Variants in TXNRD2 observed in about 807,000 individuals in gnomAD.
TXNRD2 encodes the protein thioredoxin reductase 2.
In TXNRD2, 67 loss-of-function variants were observed where a neutral mutation model predicts 70.8. That is an observed-to-expected ratio of 0.95 (90% CI 0.78 to 1.16). The LOEUF is 1.16. Among genes scored for constraint, TXNRD2 ranks in the 50% most tolerant of loss-of-function variants. The pLI is 0.00. For missense variants in TXNRD2, 644 were observed against 719.9 expected, an observed-to-expected ratio of 0.89 and a Z score of 1.21; for synonymous variants, 301 against 295.8, an observed-to-expected ratio of 1.02 and a Z score of -0.18.
chr22:19,878,318 G>T, intron 15 of TXNRD2, 48 bp downstream of exon 15: 1 of 1,606,744 alleles, frequency 6.2e-7, no homozygotes, highest in South Asian at 1.1e-5. Context: ...CAGGCTCTTT[G>T]CCACCCTCCC....
intron 12 of TXNRD2, chr22:19,881,400 G>C (rs905741708): frequency 1.1e-4 from 27 of 250,158 alleles, no homozygotes; most frequent in African/African-American, 8.1e-4. Context: ...GAAACATCCC[G>C]GCGGGCGGCG....
At chr22:19,934,354 C>G (rs1941466570) in intron 1 of TXNRD2, among the ~76,000 whole-genome samples, 1 of 134,298 alleles carries the variant, frequency 7.4e-6, no homozygotes, top group Admixed American at 8.4e-5. Context: ...GCACTCCAGC[C>G]TGGTTAACAG....
At chr22:19,925,144 C>CA (rs1452360606) in intron 2 of TXNRD2, among the ~76,000 whole-genome samples, 4 of 151,752 alleles carry the variant, frequency 2.6e-5, no homozygotes, top group Admixed American at 2.0e-4. Context: ...ATTAGACGGG[C>CA]ATGGTGGCAT....
intron 2 of TXNRD2, among the ~76,000 whole-genome samples, chr22:19,925,027 G>A (rs1351925304): frequency 2.6e-5 from 4 of 151,182 alleles, no homozygotes; most frequent in Admixed American, 6.6e-5. Flanking sequence ...GCTCACGCCT[G>A]TAATCCCAGC....
At chr22:19,937,698 A>G (rs1294488592) in intron 1 of TXNRD2, among the ~76,000 whole-genome samples, 1 of 152,204 alleles carries the variant, frequency 6.6e-6, no homozygotes, top group Non-Finnish European at 1.5e-5. Flanking sequence ...TCATACCCAA[A>G]AAAACTACAC....
chr22:19,909,540 CACAT>C (rs1940227116), intron 8 of TXNRD2, among the ~76,000 whole-genome samples: 1 of 115,048 alleles, frequency 8.7e-6, no homozygotes, highest in Admixed American at 9.5e-5. Context: ...ACCACACACA[CACAT>C]AACCACTCAC....
chr22:19,890,999 G>A (rs2145957984), intron 11 of TXNRD2, among the ~76,000 whole-genome samples: 1 of 152,342 alleles, frequency 6.6e-6, no homozygotes, highest in Middle Eastern at 3.4e-3. Flanking sequence ...ACGTGGGGGA[G>A]ACTATACAGG....
intron 8 of TXNRD2, among the ~76,000 whole-genome samples, chr22:19,909,853 C>T (rs1940297036): frequency 9.6e-6 from 1 of 103,878 alleles, no homozygotes; most frequent in African/African-American, 4.4e-5. Context: ...ACCCTTCACA[C>T]ACACACCACA....
At chr22:19,882,778 C>T (rs1938839268) in intron 12 of TXNRD2, among the ~76,000 whole-genome samples, 1 of 152,206 alleles carries the variant, frequency 6.6e-6, no homozygotes, top group Non-Finnish European at 1.5e-5. Flanking sequence ...GTAAGGAGGG[C>T]TCCAGAGCCC....
intron 8 of TXNRD2, among the ~76,000 whole-genome samples, chr22:19,909,138 A>G (rs58299207): frequency 0.035 from 5,215 of 151,144 alleles, 132 homozygotes; most frequent in South Asian, 0.087. Flanking sequence ...CCCGGGAGGC[A>G]GAGGTTGCAG....
Position 19,899,050 on chromosome 22 carries a change from G to T in TXNRD2, c.681C>A (p.Ser227Arg). The stretch of plus-strand genomic sequence containing the variant: ...CACCTGCACGCTTGCAAAGGATACA[G>T]CTGGCCCCGACCACCAACCTGTTAG... The part of the protein sequence containing the change: ...SPGKTLVVGA[S>R]YVALECAGFL... The change falls in exon 9 of 18, where the codon AGC becomes AGA. Residue 227 changes from serine to arginine, a missense_variant and splice_region_variant. Physicochemically the swap from Ser to Arg is moderately radical, Grantham distance 110. This residue lies in a region of TXNRD2 where 566 missense variants were observed against 645.0 expected (regional missense o/e 0.88). Coordinates refer to ENST00000400521, the MANE Select transcript of TXNRD2 (RefSeq NM_006440.5). 1 of 1,606,792 alleles carries T rather than the reference G, an allele frequency of 6.2e-7. No individual in the cohort carries two copies.
At chr22:19,877,417 T>A (rs949256666) in intron 16 of TXNRD2, among the ~76,000 whole-genome samples, 183 bp from the exon 17 acceptor site, 1 of 151,974 alleles carries the variant, frequency 6.6e-6, no homozygotes, top group African/African-American at 2.4e-5. Flanking sequence ...TCCCAGCAGA[T>A]GCCTAGTGCT....
At chr22:19,899,520 C>T (rs1425581648) in intron 8 of TXNRD2, among the ~76,000 whole-genome samples, 1 of 152,228 alleles carries the variant, frequency 6.6e-6, no homozygotes, top group Non-Finnish European at 1.5e-5. Context: ...GTGCCAGAGG[C>T]ACATCCAACC....
intron 11 of TXNRD2, chr22:19,883,678 G>A: frequency 1.6e-6 from 1 of 620,392 alleles, no homozygotes; most frequent in East Asian, 3.0e-5. Flanking sequence ...TCTCAGCCAG[G>A]CGTGATGGCT....
At chr22:19,904,888 C>T (rs1939938071) in intron 8 of TXNRD2, among the ~76,000 whole-genome samples, 1 of 152,148 alleles carries the variant, frequency 6.6e-6, no homozygotes. Context: ...GGAGCAGCCC[C>T]GGGGTCCATA....
In TXNRD2 at chr22:19,908,007, C is replaced by T. The variant is rs1267617999; in HGVS notation, c.662+3370G>A. ...ACAGCTCTCAGGAGAGTGTGGGCGC[C>T]GTGGGGAGCAGTGACCGTTCTCAGG... On this transcript the variant is annotated intron_variant, in intron 8 of 17. Transcript: ENST00000400521. Among the ~76,000 whole-genome samples the T allele has an allele frequency of 2.9e-5, 3 of 102,104 alleles. 1 individual carries two copies. Among genetic ancestry groups the T allele is most frequent in the African/African-American group, 8.0e-5 (2 of 24,936 alleles). 67.0% of individuals were successfully genotyped at this position (102,104 alleles called of 152,430 possible). A position where few individuals can be genotyped will look rare whatever the true frequency, so the allele number is the denominator to read the frequency against.
intron 11 of TXNRD2, among the ~76,000 whole-genome samples, chr22:19,889,334 C>T (rs1439470396): frequency 1.3e-5 from 2 of 152,192 alleles, no homozygotes; most frequent in South Asian, 2.1e-4. Context: ...ATTATTAGAC[C>T]GGGTGCAGTG....
chr22:19,893,287 A>G (rs1167557843), intron 11 of TXNRD2, among the ~76,000 whole-genome samples: 1 of 152,232 alleles, frequency 6.6e-6, no homozygotes, highest in Admixed American at 6.5e-5. Context: ...GACCAGGCTC[A>G]GCACAGAAAG....
At chr22:19,885,180 C>T (rs1938968553) in intron 11 of TXNRD2, among the ~76,000 whole-genome samples, 1 of 152,184 alleles carries the variant, frequency 6.6e-6, no homozygotes, top group South Asian at 2.1e-4. Flanking sequence ...TTTTGCCAGG[C>T]CAGCGGATGG....
Sources: gnomAD v4.1 joint callset for allele counts (sites outside exome capture counted in the v4.1 genomes callset) on GRCh38, gnomAD v4.1.1 for gene constraint, gnomAD v4.1.1 regional missense constraint, MANE v1.5 for transcripts, NCBI Gene and HGNC (gene_info 2026-07-23, HGNC 2026-07-21) for gene names.